The following NUP188 variants were observed in gnomAD, a reference collection of about 807,000 sequenced individuals.
NUP188 encodes nucleoporin NUP188.
A neutral mutation model predicts 223.0 loss-of-function variants in NUP188; 97 were observed. That is an observed-to-expected ratio of 0.43 (90% CI 0.37 to 0.51). The LOEUF is 0.51. Ranked by LOEUF, NUP188 falls within the 20% of genes least tolerant of loss-of-function variation. The pLI is 0.00. For missense variants in NUP188, 1,947 were observed against 2,175.6 expected (o/e 0.89, Z 2.09); for synonymous variants, 869 against 828.0 (o/e 1.05, Z -0.85).
chr9:128,950,604 G>A (rs1841769197), intron 2 of NUP188, among the ~76,000 whole-genome samples: 1 of 152,108 alleles, frequency 6.6e-6, no homozygotes, highest in Admixed American at 6.5e-5. Flanking sequence ...ACTTTGGAAG[G>A]CCAAGGCAGA....
At chr9:129,000,985 C>T (rs1271469705) in intron 34 of NUP188, among the ~76,000 whole-genome samples, 7 of 151,938 alleles carry the variant, frequency 4.6e-5, no homozygotes, top group Admixed American at 1.3e-4. Flanking sequence ...TGCAGTGAGC[C>T]GAGATCGCGC....
chr9:128,976,933 C>T (rs1842183865), intron 12 of NUP188, among the ~76,000 whole-genome samples: 1 of 151,930 alleles, frequency 6.6e-6, no homozygotes, highest in African/African-American at 2.4e-5. Context: ...AAAAAGTTAA[C>T]TGAGTGTGGT....
rs767907440 is a variant in NUP188, at chr9:128,959,000, T to C, written c.466-15T>C. On this transcript the variant is annotated splice_polypyrimidine_tract_variant and intron_variant, in intron 7 of 43. Coordinates refer to ENST00000372577, the MANE Select transcript of NUP188 (RefSeq NM_015354.3). ...TTTTATTCTAGGTATAATTTACTCT[T>C]TTGATTTTTTAAAGGTTGAATATGC... The C allele has an allele frequency of 1.2e-5, 18 of 1,521,754 alleles. No homozygotes were observed. Among genetic ancestry groups the C allele is most frequent in the East Asian group, 9.1e-5 (4 of 43,732 alleles). The allele number at this position is 1,521,754 out of a possible 1,614,324, so 94.3% of individuals were successfully genotyped here.
At chr9:128,966,801 T>C (rs1488854288) in intron 8 of NUP188, among the ~76,000 whole-genome samples, 2 of 152,222 alleles carry the variant, frequency 1.3e-5, no homozygotes, top group Admixed American at 1.3e-4. Context: ...CTAGTTGTTT[T>C]TTCAGTTGAA....
intron 5 of NUP188, among the ~76,000 whole-genome samples, chr9:128,957,557 C>T (rs750470857): frequency 6.6e-6 from 1 of 151,924 alleles, no homozygotes; most frequent in Non-Finnish European, 1.5e-5. Flanking sequence ...CTCTGTCTCC[C>T]GGGTTCACGC....
Position 128,982,563 on chromosome 9 carries a change from C to G in NUP188, c.1531C>G (p.Leu511Val), listed in dbSNP as rs373575797. Reference sequence around the variant, plus strand: ...TTCTCTCTCAGGGGGTCAAACCAACCTTCGCATACCTCAAGGCACTGTGGG... The same window carrying G: ...TTCTCTCTCAGGGGGTCAAACCAACGTTCGCATACCTCAAGGCACTGTGGG... The part of the protein sequence containing the change: ...LLYPLGGQTN[L>V]RIPQGTVGQV... Residue 511 changes from leucine (L) to valine (V), a missense_variant, in exon 16 of 44, where the codon CTT becomes GTT. Around this residue, in one of 3 missense-constraint regions of NUP188, gnomAD observed 817 missense variants for 865.8 expected, o/e 0.94. Coordinates refer to ENST00000372577, the MANE Select transcript of NUP188 (RefSeq NM_015354.3). 2 of 1,611,082 alleles carry G rather than the reference C, an allele frequency of 1.2e-6. No homozygotes were observed. Among genetic ancestry groups the G allele is most frequent in the Non-Finnish European group, 1.7e-6 (2 of 1,179,150 alleles).
At chr9:128,952,061 A>G (rs1002916059) in intron 2 of NUP188, among the ~76,000 whole-genome samples, 30 of 152,074 alleles carry the variant, frequency 2.0e-4, no homozygotes, top group Non-Finnish European at 3.2e-4. Context: ...CCAAAGTGCT[A>G]GGATTACAGG....
Position 128,954,742 on chromosome 9 carries a change from G to A in NUP188, c.162-1608G>A, listed in dbSNP as rs182470918. ...TTTCATGACCTTGAACAAGTTTGAG[G>A]ACTGGTCAGTTATTTTGTAGTATGC... is the stretch of plus-strand genomic sequence containing the variant. On this transcript the variant is annotated intron_variant, in intron 3 of 43. Transcript: ENST00000372577. Among the ~76,000 whole-genome samples, 161 of 152,166 alleles carry A rather than the reference G, an allele frequency of 1.1e-3. 1 individual carries two copies. Among genetic ancestry groups the A allele is most frequent in the Non-Finnish European group, 2.0e-3 (135 of 68,020 alleles).
At chr9:128,964,341 G>T in intron 8 of NUP188, 1 of 323,494 alleles carries the variant, frequency 3.1e-6, no homozygotes, top group South Asian at 2.6e-5. Context: ...CCACCTAGTG[G>T]CTTGTCTTTT....
chr9:128,967,981 G>A (rs1842054650), intron 8 of NUP188, among the ~76,000 whole-genome samples: 1 of 152,132 alleles, frequency 6.6e-6, no homozygotes, highest in South Asian at 2.1e-4. Context: ...ACATTGGTTG[G>A]CTGGGCACAG....
chr9:128,947,755 C>T lies in NUP188; in HGVS notation c.32+4C>T. On this transcript the variant is annotated splice_donor_region_variant and intron_variant, in intron 1 of 43. Coordinates refer to ENST00000372577, the MANE Select transcript of NUP188 (RefSeq NM_015354.3). ...CCGCCGGCGGGCCGTGTGTGAGGTG[C>T]GGAGCGGGTCGAATGGACCGGGGTG... The T allele has an allele frequency of 2.7e-6, 4 of 1,456,426 alleles. No individual in the cohort carries two copies. The highest frequency in any genetic ancestry group is 1.4e-5 in the South Asian group (1 of 73,688). 90.2% of individuals were successfully genotyped at this position (1,456,426 alleles called of 1,614,324 possible). A position where few individuals can be genotyped will look rare whatever the true frequency, so the allele number is the denominator to read the frequency against.
chr9:128,964,636 G>A (rs1207898517), intron 8 of NUP188, among the ~76,000 whole-genome samples: 1 of 150,388 alleles, frequency 6.6e-6, no homozygotes, highest in Non-Finnish European at 1.5e-5. Flanking sequence ...GCCTCCCAAA[G>A]TGCTGGGATG....
chr9:128,984,944 A>G lies in NUP188; in HGVS notation c.2006A>G (p.Asn669Ser). 2 of 1,614,006 alleles carry G rather than the reference A, an allele frequency of 1.2e-6. No homozygotes were observed. Among genetic ancestry groups the G allele is most frequent in the Non-Finnish European group, 1.7e-6 (2 of 1,179,954 alleles). ...GGAGGGTACGGAAACCTCTTGATGA[A>G]CAGTGAACAGCCTCAGGGCGAGTAT... ...NAGGYGNLLM[N>S]SEQPQGEYGV... The change falls in exon 20 of 44, where the codon AAC (asparagine) becomes AGC (serine). Residue 669 changes from asparagine to serine, a missense_variant. Physicochemically the swap from Asn to Ser is conservative, Grantham distance 46. Transcript: ENST00000372577.
intron 9 of NUP188, 139 bp from the exon 10 acceptor site, chr9:128,969,261 A>G (rs1842072595): frequency 3.4e-6 from 2 of 582,180 alleles, no homozygotes; most frequent in African/African-American, 1.9e-5. Flanking sequence ...TGCCTCTCAA[A>G]GTGTTAGGAT....
intron 11 of NUP188, among the ~76,000 whole-genome samples, chr9:128,971,886 C>G (rs1842110446): frequency 6.6e-6 from 1 of 152,166 alleles, no homozygotes; most frequent in Non-Finnish European, 1.5e-5. Flanking sequence ...ATTCTCGTGC[C>G]TCAGCCTCCC....
At position 129,006,144 on chromosome 9, in the gene NUP188, T is replaced by C. The variant is rs761360112; in HGVS notation, c.4943+21T>C. The C allele has an allele frequency of 6.2e-6, 10 of 1,613,940 alleles. No homozygotes were observed. The East Asian group carries it at 1.8e-4, about 29-fold the overall frequency. ...TTAAAGTAAGTGCTCTTTCTGGGAT[T>C]TGATAAGGGGCTGGGGCAGTCATGG... On this transcript the variant is annotated intron_variant, in intron 42 of 43. Coordinates refer to ENST00000372577, the MANE Select transcript of NUP188 (RefSeq NM_015354.3).
intron 38 of NUP188, chr9:129,004,489 A>G (rs1842738232): frequency 6.6e-6 from 1 of 152,080 alleles, no homozygotes; most frequent in African/African-American, 2.4e-5. Flanking sequence ...AATCAGCCAT[A>G]ATCCTCATCT....
intron 22 of NUP188, among the ~76,000 whole-genome samples, chr9:128,987,079 G>GAT (rs1483975827): frequency 1.5e-5 from 2 of 132,816 alleles, no homozygotes; most frequent in East Asian, 4.4e-4. Flanking sequence ...GAGAGAGAGA[G>GAT]AGAGAGAGAG....
intron 3 of NUP188, among the ~76,000 whole-genome samples, chr9:128,954,129 C>T (rs1352244538): frequency 6.6e-6 from 1 of 151,918 alleles, no homozygotes. Context: ...CATACCCAGC[C>T]TATTGTTTTC....
Sources: gnomAD v4.1 joint callset for allele counts (sites outside exome capture counted in the v4.1 genomes callset) on GRCh38, gnomAD v4.1.1 for gene constraint, gnomAD v4.1.1 regional missense constraint, MANE v1.5 for transcripts, NCBI Gene and HGNC (gene_info 2026-07-23, HGNC 2026-07-21) for gene names.